MYO9B: variants seen among roughly 807,000 people sequenced by gnomAD.
MYO9B encodes the protein myosin IXB.
Under a neutral mutation model 229.5 loss-of-function variants are expected in MYO9B, and 71 were observed. That is an observed-to-expected ratio of 0.31 (90% CI 0.26 to 0.38). MYO9B has a LOEUF of 0.38. MYO9B is among the 10% of genes least tolerant of loss of function. MYO9B has a pLI of 1.00. For missense variants in MYO9B, 2,255 were observed against 2,920.5 expected, an observed-to-expected ratio of 0.77 and a Z score of 5.25; for synonymous variants, 1,185 against 1,235.8, an observed-to-expected ratio of 0.96 and a Z score of 0.86.
At chr19:17,083,542 G>C (rs572981319) in intron 1 of MYO9B, among the ~76,000 whole-genome samples, 2 of 152,214 alleles carry the variant, frequency 1.3e-5, no homozygotes, top group Non-Finnish European at 2.9e-5. Flanking sequence ...CTGGAGGGCA[G>C]AGTCAGCTCT....
At chr19:17,146,549 G>A (rs1284788463) in intron 3 of MYO9B, among the ~76,000 whole-genome samples, 1 of 151,876 alleles carries the variant, frequency 6.6e-6, no homozygotes, top group East Asian at 1.9e-4. Flanking sequence ...GTGGATGGGT[G>A]GATGGATGGA....
At chr19:17,191,290 G>A (rs765247859) in intron 20 of MYO9B, 71 bp downstream of exon 20, 115 of 1,463,196 alleles carry the variant, frequency 7.9e-5, no homozygotes, top group Non-Finnish European at 1.0e-4. Flanking sequence ...TGTCTCCCCA[G>A]GCCCCCAGGG....
At chr19:17,104,735 A>AAAAAAAAC (rs1555801863) in intron 2 of MYO9B, among the ~76,000 whole-genome samples, 36 of 150,954 alleles carry the variant, frequency 2.4e-4, no homozygotes, top group Middle Eastern at 3.4e-3. Flanking sequence ...TCCGCTTAAA[A>AAAAAAAAC]AAAAAACAAA....
rs1468502114 is a variant in MYO9B, at chr19:17,210,703, T to G, written c.5797-12T>G. On this transcript the variant is annotated splice_polypyrimidine_tract_variant and intron_variant, in intron 37 of 39. Coordinates refer to ENST00000682292, the MANE Select transcript of MYO9B (RefSeq NM_004145.4). ...AGAGATGTCAGTGGGACCCCTTGCT[T>G]CTTTGTTTCAGAACAAGAGCCCCAA... 2 of 1,530,290 alleles carry G rather than the reference T, an allele frequency of 1.3e-6. No individual in the cohort carries two copies. Among genetic ancestry groups the G allele is most frequent in the Admixed American group, 2.1e-5 (1 of 47,574 alleles). The allele number at this position is 1,530,290 out of a possible 1,614,324, so 94.8% of individuals were successfully genotyped here.
intron 2 of MYO9B, among the ~76,000 whole-genome samples, chr19:17,137,446 G>A (rs1371715347): frequency 1.3e-5 from 2 of 152,046 alleles, no homozygotes; most frequent in African/African-American, 4.8e-5. Flanking sequence ...GGCTCATGTG[G>A]TGACCCAGTC....
chr19:17,180,911 C>A lies in MYO9B; in HGVS notation c.2220-16C>A, dbSNP rs368594606. 7 of 1,574,486 alleles carry A rather than the reference C, an allele frequency of 4.4e-6. No individual in the cohort carries two copies. In the African/African-American group the frequency reaches 5.4e-5, roughly 12 times the overall value. ...TCTTCTTTCTGTCACTGCGCCCCCTCCACCCCTCCCCTCAGCGATTTGCAT... is the reference window on the plus strand; with the variant it reads ...TCTTCTTTCTGTCACTGCGCCCCCTACACCCCTCCCCTCAGCGATTTGCAT... On this transcript the variant is annotated splice_polypyrimidine_tract_variant and intron_variant, in intron 14 of 39. Coordinates refer to ENST00000682292, the MANE Select transcript of MYO9B (RefSeq NM_004145.4).
intron 11 of MYO9B, among the ~76,000 whole-genome samples, chr19:17,171,703 G>C (rs2072726580): frequency 6.6e-6 from 1 of 152,204 alleles, no homozygotes; most frequent in Non-Finnish European, 1.5e-5. Flanking sequence ...TATAATCCTA[G>C]TCGTTTGGGA....
chr19:17,129,615 C>G (rs1230495568), intron 2 of MYO9B, among the ~76,000 whole-genome samples: 1 of 152,252 alleles, frequency 6.6e-6, no homozygotes, highest in African/African-American at 2.4e-5. Context: ...TGAGGGAGGG[C>G]GGCAGACCTT....
chr19:17,184,815 G>A (rs780657733), intron 16 of MYO9B, 50 bp from the exon 17 acceptor site: 3 of 1,609,522 alleles, frequency 1.9e-6, no homozygotes, highest in Non-Finnish European at 2.5e-6. Flanking sequence ...GCCTCCCCGT[G>A]CCCGTGTGGG....
intron 11 of MYO9B, 113 bp downstream of exon 11, chr19:17,168,177 A>G: frequency 7.2e-7 from 1 of 1,389,394 alleles, no homozygotes. Context: ...GCGCCTTTTT[A>G]TTTTTGAGAC....
At chr19:17,118,391 T>C (rs2057927796) in intron 2 of MYO9B, among the ~76,000 whole-genome samples, 1 of 152,056 alleles carries the variant, frequency 6.6e-6, no homozygotes, top group Non-Finnish European at 1.5e-5. Flanking sequence ...AGCTTGAGCA[T>C]AGGAGTTCGA....
Position 17,172,126 on chromosome 19 carries a change from G to A in MYO9B, c.1794-210G>A, listed in dbSNP as rs537459404. Among the ~76,000 whole-genome samples the A allele has an allele frequency of 2.4e-4, 36 of 152,188 alleles. No individual in the cohort carries two copies. Among genetic ancestry groups the A allele is most frequent in the African/African-American group, 7.5e-4 (31 of 41,540 alleles). ...CAGCGTCCCAGCCCTCTGCCAGCATGTTCGGCATGAGGCAGGCAGGCGCAC... is the reference window on the plus strand; with the variant it reads ...CAGCGTCCCAGCCCTCTGCCAGCATATTCGGCATGAGGCAGGCAGGCGCAC... On this transcript the variant is annotated intron_variant, in intron 11 of 39. Transcript: ENST00000682292. The surrounding 1 kb of genome is among the most constrained non-coding windows in gnomAD (Gnocchi z 8.2).
intron 19 of MYO9B, among the ~76,000 whole-genome samples, chr19:17,190,596 C>G (rs2072972889): frequency 6.6e-6 from 1 of 150,628 alleles, no homozygotes; most frequent in Admixed American, 6.6e-5. Context: ...TGAGATCACA[C>G]CACTGCACTC....
In MYO9B at chr19:17,207,139, G is replaced by A. The variant is rs1459148279; in HGVS notation, c.5519G>A (p.Arg1840His). 1.9e-6 allele frequency: 3 copies of A among 1,609,734 alleles called. No homozygotes were observed. Among genetic ancestry groups the A allele is most frequent in the African/African-American group, 1.3e-5 (1 of 74,832 alleles). ...GTGGCCCTGCTCGAGGATGTCAACC[G>A]CATGTCACCTGGGGCGCTGGCCATT... ...VKVALLEDVNRMSPGALAIIF... is the reference protein window; with the variant it reads ...VKVALLEDVNHMSPGALAIIF... Residue 1840 changes from arginine to histidine, a missense_variant, in exon 35 of 40, where the codon CGC becomes CAC. Around this residue, in one of 7 missense-constraint regions of MYO9B, gnomAD observed 416 missense variants for 605.5 expected, o/e 0.69. Transcript: ENST00000682292.
intron 2 of MYO9B, among the ~76,000 whole-genome samples, chr19:17,121,490 G>A (rs899147665): frequency 8.1e-5 from 12 of 147,532 alleles, no homozygotes; most frequent in Admixed American, 2.0e-4. Context: ...ACAGGATGAC[G>A]GGTTGCTGAC....
chr19:17,114,392 A>G (rs2145093106), intron 2 of MYO9B, among the ~76,000 whole-genome samples: 1 of 151,842 alleles, frequency 6.6e-6, no homozygotes. Flanking sequence ...CCTCTCACTC[A>G]TTGCCCACCC....
rs776535276 is a variant in MYO9B at position 17,209,682 on chromosome 19, C to A, written c.5721C>A (p.Arg1907=). 3 of 1,613,556 alleles carry A rather than the reference C, an allele frequency of 1.9e-6. No individual in the cohort carries two copies. The change falls in exon 36 of 40, where the codon CGC becomes CGA. Residue 1907 remains arginine (R), a synonymous_variant. Coordinates refer to ENST00000682292, the MANE Select transcript of MYO9B (RefSeq NM_004145.4). ...QLEAAESIAF[R]RLSLLRQNAP... Reference sequence around the variant, plus strand: ...AGGCTGCAGAGAGTATCGCCTTCCGCAGGCTTTCGCTCCTGCGACAAAATG... The same window carrying A: ...AGGCTGCAGAGAGTATCGCCTTCCGAAGGCTTTCGCTCCTGCGACAAAATG...
chr19:17,156,842 C>T, intron 6 of MYO9B, 67 bp from the exon 7 acceptor site: 2 of 1,532,652 alleles, frequency 1.3e-6, no homozygotes, highest in Non-Finnish European at 1.8e-6. Context: ...AGCCCGGTTC[C>T]CTGGGAAGTA....
chr19:17,111,653 C>T (rs925035402), intron 2 of MYO9B, among the ~76,000 whole-genome samples: 2 of 152,102 alleles, frequency 1.3e-5, no homozygotes, highest in African/African-American at 4.8e-5. Flanking sequence ...CAACTCCTGG[C>T]CTCAGGCAAA....
Sources: gnomAD v4.1 joint callset for allele counts (sites outside exome capture counted in the v4.1 genomes callset) on GRCh38, gnomAD v4.1.1 for gene constraint, gnomAD v4.1.1 regional missense constraint, Gnocchi (gnomAD v3.1) non-coding constraint, MANE v1.5 for transcripts, NCBI Gene and HGNC (gene_info 2026-07-23, HGNC 2026-07-21) for gene names.